NOX4: variants seen among roughly 807,000 people sequenced by gnomAD.
NOX4 encodes NADPH oxidase 4, also known as kidney oxidase-1.
NOX4 carries 69 observed loss-of-function variants against 87.6 expected under a neutral mutation model. That is an observed-to-expected ratio of 0.79 (90% CI 0.65 to 0.96). The LOEUF (loss-of-function observed/expected upper bound fraction) is 0.96, where lower values mean the gene tolerates loss of function less well. Among genes scored for constraint, NOX4 ranks in the 40% least tolerant of loss-of-function variants. NOX4 has a pLI of 0.00. For missense variants in NOX4, 680 were observed against 681.5 expected (o/e 1.00, Z 0.02); for synonymous variants, 275 against 238.2 (o/e 1.15, Z -1.42).
intron 5 of NOX4, chr11:89,443,343 A>T (rs565041524): frequency 1.3e-5 from 2 of 152,014 alleles, no homozygotes; most frequent in East Asian, 3.9e-4. Context: ...GGAGTGGGGA[A>T]GGTGGGGAAA....
chr11:89,506,616 C>T, the NOX4 span, among the ~76,000 whole-genome samples: 2 of 151,594 alleles, frequency 1.3e-5, no homozygotes, highest in Non-Finnish European at 3.0e-5. Context: ...TTCTGTTCTT[C>T]AAAAGTTACT....
At chr11:89,427,054 T>C (rs1273396037) in intron 7 of NOX4, among the ~76,000 whole-genome samples, 8 of 152,158 alleles carry the variant, frequency 5.3e-5, no homozygotes, top group African/African-American at 1.9e-4. Flanking sequence ...CAGCAACATT[T>C]GCTATTCAGC....
intron 13 of NOX4, among the ~76,000 whole-genome samples, chr11:89,343,759 TAA>T (rs1284075079): frequency 1.3e-5 from 2 of 152,104 alleles, no homozygotes; most frequent in African/African-American, 4.8e-5. Context: ...GGCAACTCTT[TAA>T]AGTCTTGCTA....
chr11:89,337,857 T>G (rs149791443), intron 15 of NOX4, among the ~76,000 whole-genome samples: 1 of 152,134 alleles, frequency 6.6e-6, no homozygotes, highest in Admixed American at 6.6e-5. Context: ...AGTCTCAAAA[T>G]TGTACCAGTT....
rs1482218225 is a variant in NOX4, at chr11:89,427,823, A to G, written c.548+4961T>C. ...AGATATTATCCAGGAGAACTTCCCC[A>G]ACCTAGTAAGGCAGGCCAATATTCA... is the stretch of plus-strand genomic sequence containing the variant. On this transcript the variant is annotated intron_variant, in intron 7 of 17. Coordinates refer to ENST00000263317, the MANE Select transcript of NOX4 (RefSeq NM_016931.5). 1.3e-5 allele frequency among the ~76,000 whole-genome samples: 2 copies of G among 152,210 alleles called. 1 individual carries two copies. The highest frequency in any genetic ancestry group is 1.3e-4 in the Admixed American group (2 of 15,284).
At chr11:89,427,687 T>C (rs190148954) in intron 7 of NOX4, among the ~76,000 whole-genome samples, 8 of 152,098 alleles carry the variant, frequency 5.3e-5, no homozygotes, top group Admixed American at 2.0e-4. Flanking sequence ...TAAAAAGAAA[T>C]GAACAAAGCC....
In NOX4 at chr11:89,431,853, A is replaced by G. The variant is rs578246537; in HGVS notation, c.548+931T>C. 3.0e-3 allele frequency among the ~76,000 whole-genome samples: 462 copies of G among 152,308 alleles called. 4 individuals are homozygous for G. The highest frequency in any genetic ancestry group is 0.011 in the African/African-American group (447 of 41,572). ...TGACCCAGCCATCCCATTACTGGGT[A>G]TATACCCAAAGGATTATAAATCATG... On this transcript the variant is annotated intron_variant, in intron 7 of 17. Coordinates refer to ENST00000263317, the MANE Select transcript of NOX4 (RefSeq NM_016931.5).
chr11:89,328,410 G>A (rs560581524), intron 17 of NOX4, among the ~76,000 whole-genome samples: 3 of 152,128 alleles, frequency 2.0e-5, no homozygotes, highest in East Asian at 3.9e-4. Flanking sequence ...AGGAGTAGAG[G>A]GGATATTGGT....
chr11:89,397,983 T>C (rs896503836), intron 11 of NOX4, among the ~76,000 whole-genome samples: 7 of 152,248 alleles, frequency 4.6e-5, no homozygotes, highest in Admixed American at 4.6e-4. Flanking sequence ...AGCACCATCC[T>C]GATACCAAAG....
the NOX4 span, among the ~76,000 whole-genome samples, chr11:89,541,128 C>G: frequency 0.014 from 2,158 of 152,226 alleles, 44 homozygotes; most frequent in African/African-American, 0.045. Flanking sequence ...CTTAAATTCT[C>G]TTTGAAAACT....
intron 7 of NOX4, among the ~76,000 whole-genome samples, chr11:89,423,881 T>C (rs1943223219): frequency 6.6e-6 from 1 of 151,742 alleles, no homozygotes; most frequent in Non-Finnish European, 1.5e-5. Flanking sequence ...TATTGAAACC[T>C]TGACCTTACG....
At chr11:89,468,700 A>G (rs1008351045) in intron 2 of NOX4, among the ~76,000 whole-genome samples, 2 of 152,090 alleles carry the variant, frequency 1.3e-5, no homozygotes, top group Non-Finnish European at 1.5e-5. Context: ...CTGTATTCTT[A>G]TATTTTTCCC....
upstream of NOX4, among the ~76,000 whole-genome samples, chr11:89,502,576 T>C (rs319018): frequency 0.67 from 101,651 of 151,838 alleles, 35,513 homozygotes; most frequent in Non-Finnish European, 0.81. Flanking sequence ...GACTCTTACA[T>C]GAGGGAGAAT....
chr11:89,521,880 C>T, the NOX4 span, among the ~76,000 whole-genome samples: 2 of 152,024 alleles, frequency 1.3e-5, no homozygotes, highest in Non-Finnish European at 2.9e-5. Flanking sequence ...AAAATATGAA[C>T]AGGCACTTCT....
In NOX4 at chr11:89,326,804, G is replaced by A; in HGVS notation, c.1689C>T (p.Asn563=). The A allele has an allele frequency of 3.1e-6, 5 of 1,613,230 alleles. No homozygotes were observed. Among genetic ancestry groups the A allele is most frequent in the African/African-American group, 1.3e-5 (1 of 74,984 alleles). Residue 563 remains asparagine (N), a synonymous_variant, in exon 18 of 18, where the codon AAC becomes AAT. Transcript: ENST00000263317. ...SKTLHKLSNQ[N]NSYGTRFEYN... ...ATTCAAATCTTGTCCCATATGAGTT[G>A]TTCTGGTTACTCAGTTTATGAAGAG...
At chr11:89,367,164 G>A (rs956692871) in intron 12 of NOX4, among the ~76,000 whole-genome samples, 6 of 152,076 alleles carry the variant, frequency 3.9e-5, no homozygotes, top group Admixed American at 3.9e-4. Context: ...CAGAACTACA[G>A]TGTTTCATTA....
intron 7 of NOX4, among the ~76,000 whole-genome samples, chr11:89,431,294 A>G (rs1943766788): frequency 6.6e-6 from 1 of 152,170 alleles, no homozygotes; most frequent in African/African-American, 2.4e-5. Flanking sequence ...CATACACATG[A>G]GCAAGGACTT....
the NOX4 span, among the ~76,000 whole-genome samples, chr11:89,514,785 T>C: frequency 2.6e-5 from 4 of 152,046 alleles, no homozygotes; most frequent in Non-Finnish European, 4.4e-5. Context: ...TGTGTTAAAC[T>C]AACCTTGCAT....
chr11:89,531,196 G>A, the NOX4 span, among the ~76,000 whole-genome samples: 3 of 152,080 alleles, frequency 2.0e-5, no homozygotes, highest in African/African-American at 7.2e-5. Flanking sequence ...GACCCCAGAG[G>A]CTTATGTTTT....
Sources: gnomAD v4.1 joint callset for allele counts (sites outside exome capture counted in the v4.1 genomes callset) on GRCh38, gnomAD v4.1.1 for gene constraint, MANE v1.5 for transcripts, NCBI Gene and HGNC (gene_info 2026-07-23, HGNC 2026-07-21) for gene names.